Variants in CNTN5 observed in about 807,000 individuals in gnomAD.
CNTN5 encodes contactin-5.
CNTN5 carries 77 observed loss-of-function variants against 129.1 expected under a neutral mutation model. The observed-to-expected ratio is 0.60, with a 90% confidence interval of 0.50 to 0.72. The LOEUF is 0.72. CNTN5 is among the 30% of genes least tolerant of loss of function. CNTN5 has a pLI of 0.00. For missense variants in CNTN5, 1,478 were observed against 1,328.8 expected (o/e 1.11, Z -1.75); for synonymous variants, 509 against 465.6 (o/e 1.09, Z -1.20).
At chr11:99,963,532 C>T (rs2136198049) in intron 8 of CNTN5, among the ~76,000 whole-genome samples, 1 of 152,216 alleles carries the variant, frequency 6.6e-6, no homozygotes, top group South Asian at 2.1e-4. Context: ...TGTTTTGATA[C>T]TAGTACCATG....
At chr11:99,118,638 C>A (rs187947351) in intron 1 of CNTN5, among the ~76,000 whole-genome samples, 1 of 151,758 alleles carries the variant, frequency 6.6e-6, no homozygotes, top group South Asian at 2.1e-4. Context: ...AAAACAAGAA[C>A]CTGAGTTAAA....
In CNTN5 at chr11:99,761,086, G is replaced by A. The variant is rs943353368; in HGVS notation, c.56-58458G>A. Among the ~76,000 whole-genome samples, 5 of 152,190 alleles carry A rather than the reference G, an allele frequency of 3.3e-5. No homozygotes were observed. The East Asian group carries it at 5.8e-4, about 18-fold the overall frequency. On this transcript the variant is annotated intron_variant, in intron 3 of 24. Coordinates refer to ENST00000524871, the MANE Select transcript of CNTN5 (RefSeq NM_014361.4). Reference sequence around the variant, plus strand: ...AAAATGGTTCATATTCTCAGTGAACGTTCCTGTATGACAAGGATGATATAT... The same window carrying A: ...AAAATGGTTCATATTCTCAGTGAACATTCCTGTATGACAAGGATGATATAT...
intron 3 of CNTN5, among the ~76,000 whole-genome samples, chr11:99,573,508 T>A (rs1184483634): frequency 1.3e-5 from 2 of 151,694 alleles, no homozygotes; most frequent in African/African-American, 4.8e-5. Context: ...AGGCGGAGTT[T>A]GCAGTGAGCC....
chr11:100,295,058 T>C (rs1442449), intron 18 of CNTN5, among the ~76,000 whole-genome samples: 103,088 of 151,422 alleles, frequency 0.68, 39,364 homozygotes, highest in South Asian at 0.91. Context: ...TCCGATTATA[T>C]CTAGTAAACT....
intron 1 of CNTN5, among the ~76,000 whole-genome samples, chr11:99,251,459 A>C (rs1285986230): frequency 6.6e-6 from 1 of 151,904 alleles, no homozygotes; most frequent in Non-Finnish European, 1.5e-5. Context: ...CAGTTATAGA[A>C]ATAGTATCTT....
chr11:99,028,228 A>G (rs1012454884), intron 1 of CNTN5, among the ~76,000 whole-genome samples: 5 of 151,934 alleles, frequency 3.3e-5, no homozygotes, highest in Admixed American at 3.3e-4. Context: ...TTTGTTTCTC[A>G]TTCTTTAACG....
At chr11:100,123,229 C>T (rs1946083562) in intron 13 of CNTN5, among the ~76,000 whole-genome samples, 1 of 151,866 alleles carries the variant, frequency 6.6e-6, no homozygotes, top group South Asian at 2.1e-4. Context: ...ATAAATAAAT[C>T]AGTCCATCAC....
At chr11:99,913,482 CTATT>C (rs1255972834) in intron 6 of CNTN5, among the ~76,000 whole-genome samples, 1 of 151,754 alleles carries the variant, frequency 6.6e-6, no homozygotes, top group African/African-American at 2.4e-5. Flanking sequence ...ATAAAAAAAT[CTATT>C]TATCTTTGGG....
chr11:100,302,695 C>T (rs904901325), intron 20 of CNTN5, among the ~76,000 whole-genome samples: 1 of 151,520 alleles, frequency 6.6e-6, no homozygotes, highest in Non-Finnish European at 1.5e-5. Context: ...ACTTACAAGG[C>T]ACACCTTACA....
intron 1 of CNTN5, among the ~76,000 whole-genome samples, chr11:99,071,843 G>T (rs560676897): frequency 6.6e-6 from 1 of 151,908 alleles, no homozygotes; most frequent in East Asian, 1.9e-4. Flanking sequence ...ATCAAAATTG[G>T]CACAGGAAGA....
intron 18 of CNTN5, among the ~76,000 whole-genome samples, chr11:100,284,434 T>C (rs1465581779): frequency 6.6e-6 from 1 of 152,196 alleles, no homozygotes; most frequent in African/African-American, 2.4e-5. Context: ...ATTTTTGAAA[T>C]CTGTTAATAT....
At chr11:100,055,028 T>TAAAAAAA (rs137939088) in intron 9 of CNTN5, among the ~76,000 whole-genome samples, 2 of 91,652 alleles carry the variant, frequency 2.2e-5, no homozygotes, top group African/African-American at 8.0e-5. Flanking sequence ...AGCCGTAGCC[T>TAAAAAAA]AAAAAAAAAA....
At chr11:99,434,498 A>C (rs1943524387) in intron 2 of CNTN5, among the ~76,000 whole-genome samples, 1 of 152,152 alleles carries the variant, frequency 6.6e-6, no homozygotes, top group Non-Finnish European at 1.5e-5. Flanking sequence ...AGTAAGATGC[A>C]TAGCTTTTAA....
chr11:99,107,847 C>T (rs772313992), intron 1 of CNTN5, among the ~76,000 whole-genome samples: 2 of 149,820 alleles, frequency 1.3e-5, no homozygotes, highest in African/African-American at 2.5e-5. Flanking sequence ...AGGAGAATCA[C>T]TTGAATTTGG....
chr11:99,447,222 A>G (rs2656168), intron 2 of CNTN5, among the ~76,000 whole-genome samples: 71,465 of 151,966 alleles, frequency 0.47, 17,516 homozygotes, highest in Non-Finnish European at 0.54. Context: ...AGGGATTGAC[A>G]TTCATGTATA....
chr11:100,305,630 A>G (rs1951330843), intron 20 of CNTN5, among the ~76,000 whole-genome samples: 1 of 151,682 alleles, frequency 6.6e-6, no homozygotes, highest in South Asian at 2.1e-4. Context: ...TTACAATGGG[A>G]TGCCCAAAGC....
At chr11:99,255,477 A>T (rs1862332388) in intron 1 of CNTN5, among the ~76,000 whole-genome samples, 1 of 150,876 alleles carries the variant, frequency 6.6e-6, no homozygotes, top group Non-Finnish European at 1.5e-5. Context: ...TAATAATATT[A>T]CACTAATATA....
At chr11:100,173,673 C>A (rs1296073803) in intron 13 of CNTN5, among the ~76,000 whole-genome samples, 1 of 152,126 alleles carries the variant, frequency 6.6e-6, no homozygotes, top group Non-Finnish European at 1.5e-5. Flanking sequence ...GAGGAGTCGT[C>A]TAAGTCAGGG....
At chr11:99,992,210 G>C (rs1352543926) in intron 8 of CNTN5, among the ~76,000 whole-genome samples, 1 of 152,128 alleles carries the variant, frequency 6.6e-6, no homozygotes, top group African/African-American at 2.4e-5. Context: ...CTCCAGCAAT[G>C]ATTATTACTA....
Sources: allele counts gnomAD v4.1 joint callset (sites outside exome capture counted in the v4.1 genomes callset), GRCh38; gene constraint gnomAD v4.1.1; transcripts MANE v1.5; gene names NCBI Gene and HGNC (gene_info 2026-07-23, HGNC 2026-07-21).